The following ABCD2 variants were observed in gnomAD, a reference collection of about 807,000 sequenced individuals.
ABCD2 encodes the protein ATP binding cassette subfamily D member 2.
A neutral mutation model predicts 70.9 loss-of-function variants in ABCD2; 36 were observed. The observed-to-expected ratio is 0.51, with a 90% CI of 0.39 to 0.67. ABCD2 has a LOEUF of 0.67. Ranked by LOEUF, ABCD2 falls within the 30% of genes least tolerant of loss-of-function variation. The pLI, the probability that ABCD2 is intolerant of heterozygous loss-of-function variation, is 0.00. For missense variants in ABCD2, 729 were observed against 890.2 expected (o/e 0.82, Z 2.30); for synonymous variants, 304 against 306.9 (o/e 0.99, Z 0.10).
the ABCD2 span, among the ~76,000 whole-genome samples, chr12:39,538,660 A>T: frequency 1.3e-5 from 2 of 152,038 alleles, no homozygotes; most frequent in Non-Finnish European, 2.9e-5. Flanking sequence ...TAAGTGAGAA[A>T]TTCTCCCTGG....
intron 8 of ABCD2, 103 bp downstream of exon 8, chr12:39,579,432 A>G: frequency 2.7e-6 from 2 of 748,518 alleles, no homozygotes; most frequent in Non-Finnish European, 4.5e-6. Flanking sequence ...TTTTTAAGCT[A>G]CAGATGAAGA....
At chr12:39,537,721 TA>T in the ABCD2 span, among the ~76,000 whole-genome samples, 1 of 152,190 alleles carries the variant, frequency 6.6e-6, no homozygotes, top group African/African-American at 2.4e-5. Flanking sequence ...GTCCAGTCTT[TA>T]AATGCATGAT....
In ABCD2 at chr12:39,578,212, C is replaced by T. The variant is rs560356348; in HGVS notation, c.1877+1323G>A. Among the ~76,000 whole-genome samples the T allele has an allele frequency of 3.6e-4, 55 of 152,272 alleles. 1 individual carries two copies. The South Asian group carries it at 7.7e-3, about 21-fold the overall frequency. ...AGTGAGGGCCGGGTGAGGTGGCTTA[C>T]GCCTGTAATCCCAGCACTTTGGGAG... On this transcript the variant is annotated intron_variant, in intron 8 of 9. Transcript: ENST00000308666.
At chr12:39,581,915 C>G (rs778820034) in intron 7 of ABCD2, among the ~76,000 whole-genome samples, 1 of 152,166 alleles carries the variant, frequency 6.6e-6, no homozygotes, top group Non-Finnish European at 1.5e-5. Context: ...GAGATGTATA[C>G]TCTTCTTTAG....
At chr12:39,592,188 A>G (rs1941755669) in intron 6 of ABCD2, among the ~76,000 whole-genome samples, 1 of 152,230 alleles carries the variant, frequency 6.6e-6, no homozygotes, top group South Asian at 2.1e-4. Context: ...AACAGTCAGA[A>G]AGCAAGGAAT....
At chr12:39,616,257 A>C (rs1312398556) in intron 2 of ABCD2, among the ~76,000 whole-genome samples, 3 of 152,190 alleles carry the variant, frequency 2.0e-5, no homozygotes, top group Non-Finnish European at 4.4e-5. Flanking sequence ...ATTAAGATCC[A>C]AGCTCCCATC....
At chr12:39,562,488 A>G (rs1245486494) in intron 9 of ABCD2, among the ~76,000 whole-genome samples, 1 of 152,078 alleles carries the variant, frequency 6.6e-6, no homozygotes, top group Non-Finnish European at 1.5e-5. Flanking sequence ...ATAAATTCAG[A>G]GATTAAAAAA....
downstream of ABCD2, among the ~76,000 whole-genome samples, chr12:39,548,552 T>C (rs74088723): frequency 2.5e-3 from 374 of 152,152 alleles, 2 homozygotes; most frequent in African/African-American, 8.5e-3. Flanking sequence ...GGTCTCATTA[T>C]ATTAGCTTTC....
chr12:39,614,964 C>CTT (rs1386543443), intron 2 of ABCD2, among the ~76,000 whole-genome samples: 1 of 151,938 alleles, frequency 6.6e-6, no homozygotes, highest in Non-Finnish European at 1.5e-5. Flanking sequence ...TTAAGAAATA[C>CTT]TTTGTTTCAC....
At chr12:39,604,425 T>G (rs1393447756) in intron 4 of ABCD2, among the ~76,000 whole-genome samples, 1 of 151,988 alleles carries the variant, frequency 6.6e-6, no homozygotes, top group African/African-American at 2.4e-5. Context: ...CAAATTTAAG[T>G]TTAGAAACAG....
intron 8 of ABCD2, among the ~76,000 whole-genome samples, chr12:39,575,896 AC>A (rs759645109): frequency 3.9e-5 from 6 of 152,208 alleles, no homozygotes; most frequent in Non-Finnish European, 7.3e-5. Context: ...AGTTACACAA[AC>A]ACCAAGTATT....
chr12:39,568,564 G>C (rs1232163155), intron 9 of ABCD2, among the ~76,000 whole-genome samples: 1 of 151,888 alleles, frequency 6.6e-6, no homozygotes, highest in Non-Finnish European at 1.5e-5. Flanking sequence ...TGTTTTCCAT[G>C]GGTTCGAACT....
intron 9 of ABCD2, among the ~76,000 whole-genome samples, chr12:39,567,078 G>A (rs1191840001): frequency 2.6e-5 from 4 of 152,188 alleles, no homozygotes. Flanking sequence ...GAATAGGTGT[G>A]GTGTGGTGCT....
intron 7 of ABCD2, 65 bp downstream of exon 7, chr12:39,586,085 AAT>A (rs1941661708): frequency 1.4e-6 from 2 of 1,431,812 alleles, no homozygotes; most frequent in Non-Finnish European, 1.9e-6. Context: ...CCACAGACTA[AAT>A]ATATACCCAA....
Position 39,550,099 on chromosome 12 carries a change from T to C in ABCD2, c.*3813A>G, listed in dbSNP as rs1389555668. ...ACAGTGCCTGGCATAGGTAGATACT[T>C]ATTAAATGTGTTGTATTAATAAAGA... On this transcript the variant is annotated 3_prime_UTR_variant, in exon 10 of 10. Transcript: ENST00000308666. 1 of 151,784 alleles carries C rather than the reference T, an allele frequency of 6.6e-6. No homozygotes were observed. Among genetic ancestry groups the C allele is most frequent in the African/African-American group, 2.4e-5 (1 of 41,432 alleles). 9.4% of individuals were successfully genotyped at this position (151,784 alleles called of 1,614,324 possible).
intron 9 of ABCD2, among the ~76,000 whole-genome samples, chr12:39,558,063 C>T (rs1234385595): frequency 2.6e-5 from 4 of 152,220 alleles, no homozygotes; most frequent in Non-Finnish European, 5.9e-5. Flanking sequence ...CACTCAATGC[C>T]AGCCCATGAA....
the ABCD2 span, among the ~76,000 whole-genome samples, chr12:39,533,420 A>T: frequency 6.6e-6 from 1 of 152,246 alleles, no homozygotes; most frequent in Non-Finnish European, 1.5e-5. Flanking sequence ...ATAGAAGTAT[A>T]CAAATAAATT....
chr12:39,538,357 T>A, the ABCD2 span, among the ~76,000 whole-genome samples: 1 of 151,938 alleles, frequency 6.6e-6, no homozygotes, highest in Admixed American at 6.6e-5. Context: ...TTATTTTTAG[T>A]AGAGATGGGG....
At chr12:39,556,574 A>G (rs1941169008) in intron 9 of ABCD2, among the ~76,000 whole-genome samples, 1 of 152,174 alleles carries the variant, frequency 6.6e-6, no homozygotes, top group African/African-American at 2.4e-5. Flanking sequence ...AGCCATGCTG[A>G]ACTGTGAGTC....
Sources: allele counts gnomAD v4.1 joint callset (sites outside exome capture counted in the v4.1 genomes callset), GRCh38; gene constraint gnomAD v4.1.1; transcripts MANE v1.5; gene names NCBI Gene and HGNC (gene_info 2026-07-23, HGNC 2026-07-21).